Variants in RIC3 observed in about 807,000 individuals in gnomAD.
RIC3 encodes the protein protein RIC-3.
Under a neutral mutation model 27.3 loss-of-function variants are expected in RIC3, and 28 were observed. The ratio of observed to expected loss-of-function variants is 1.02; its 90% CI spans 0.76 to 1.41. RIC3 has a LOEUF of 1.41. Ranked by LOEUF, RIC3 falls within the 40% of genes most tolerant of loss-of-function variation. The probability of loss-of-function intolerance (pLI) is 0.00; values close to 1 mark genes in which losing one functional copy is unlikely to be tolerated. For synonymous variants in RIC3, 184 were observed against 160.4 expected, an observed-to-expected ratio of 1.15 and a Z score of -1.11; for missense variants, 501 against 444.7, an observed-to-expected ratio of 1.13 and a Z score of -1.14.
At position 8,106,168 on chromosome 11, in the gene RIC3, T is replaced by TTATG. The variant is rs765080408; in HGVS notation, c.*4526_*4529dup. 6.6e-6 allele frequency: 1 copy of TTATG among 152,226 alleles called. No homozygotes were observed. The highest frequency in any genetic ancestry group is 1.5e-5 in the Non-Finnish European group (1 of 68,048). The allele number at this position is 152,226 out of a possible 1,614,324, so 9.4% of individuals were successfully genotyped here. A position where few individuals can be genotyped will look rare whatever the true frequency, so the allele number is the denominator to read the frequency against. On this transcript the variant is annotated 3_prime_UTR_variant, in exon 6 of 6. Transcript: ENST00000309737. ...AACTTGGTATTTTCCCATGTTGACA[T>TTATG]TATGTATGTTGTAGAATTTAGTGTT...
intron 1 of RIC3, among the ~76,000 whole-genome samples, chr11:8,156,806 G>A (rs1345437165): frequency 6.6e-6 from 1 of 152,108 alleles, no homozygotes; most frequent in Non-Finnish European, 1.5e-5. Flanking sequence ...AAAACACACT[G>A]CTTGAGCCTC....
intron 4 of RIC3, among the ~76,000 whole-genome samples, chr11:8,133,199 C>A (rs1241852940): frequency 6.6e-6 from 1 of 152,140 alleles, no homozygotes; most frequent in East Asian, 1.9e-4. Context: ...GCCTTTCCAC[C>A]ATATGATGAT....
At chr11:8,105,822 G>A (rs772621454), downstream of RIC3, 2 of 152,144 alleles carry the variant, frequency 1.3e-5, no homozygotes, top group Non-Finnish European at 2.9e-5. Context: ...GCAAGGTCCA[G>A]GCAAAGCTGG....
intron 4 of RIC3, among the ~76,000 whole-genome samples, chr11:8,128,549 T>C (rs181828308): frequency 1.3e-5 from 2 of 152,284 alleles, no homozygotes; most frequent in Admixed American, 1.3e-4. Context: ...GGATTCCTTA[T>C]CATCTCAACT....
chr11:8,159,655 T>C (rs1438646110), intron 1 of RIC3, among the ~76,000 whole-genome samples: 1 of 152,144 alleles, frequency 6.6e-6, no homozygotes, highest in East Asian at 1.9e-4. Context: ...AAAGCAGTTT[T>C]AAATGACTAA....
chr11:8,114,213 GCA>G (rs1245214385), intron 5 of RIC3, among the ~76,000 whole-genome samples: 3 of 152,150 alleles, frequency 2.0e-5, no homozygotes, highest in African/African-American at 7.2e-5. Context: ...TTCTTCAAAT[GCA>G]CAGATACCAA....
intron 5 of RIC3, among the ~76,000 whole-genome samples, chr11:8,114,314 G>A (rs1195413896): frequency 6.6e-6 from 1 of 152,060 alleles, no homozygotes; most frequent in Admixed American, 6.5e-5. Flanking sequence ...CTAAAGAAAT[G>A]AAGATACGGC....
intron 4 of RIC3, among the ~76,000 whole-genome samples, chr11:8,133,395 T>C (rs113195566): frequency 8.5e-5 from 13 of 152,292 alleles, no homozygotes; most frequent in African/African-American, 2.9e-4. Context: ...ATAAGTCCCA[T>C]AGGGCCTACC....
chr11:8,147,596 G>A (rs891300172), intron 1 of RIC3, among the ~76,000 whole-genome samples: 7 of 152,134 alleles, frequency 4.6e-5, no homozygotes, highest in African/African-American at 1.2e-4. Context: ...TATTTGTTAT[G>A]TGAAGTTATG....
At chr11:8,122,985 G>A (rs1010490653) in intron 5 of RIC3, among the ~76,000 whole-genome samples, 1 of 150,884 alleles carries the variant, frequency 6.6e-6, no homozygotes, top group African/African-American at 2.4e-5. Flanking sequence ...AGTCAAGAAA[G>A]CTATTACAGA....
intron 1 of RIC3, among the ~76,000 whole-genome samples, chr11:8,158,621 A>C (rs78139941): frequency 7.2e-4 from 109 of 151,204 alleles, no homozygotes; most frequent in East Asian, 1.4e-3. Context: ...ATCAAAGAAG[A>C]AGCTCTGATG....
At chr11:8,100,305 A>G in the RIC3 span, among the ~76,000 whole-genome samples, 1 of 152,182 alleles carries the variant, frequency 6.6e-6, no homozygotes, top group African/African-American at 2.4e-5. Flanking sequence ...AGCAAGGATG[A>G]CGCATAAGAG....
At chr11:8,165,128 A>G (rs2134365577) in intron 1 of RIC3, among the ~76,000 whole-genome samples, 1 of 152,344 alleles carries the variant, frequency 6.6e-6, no homozygotes, top group South Asian at 2.1e-4. Context: ...TAATAACCAT[A>G]CAACCTAGAA....
At chr11:8,148,374 G>C (rs1009072082) in intron 1 of RIC3, among the ~76,000 whole-genome samples, 1 of 152,074 alleles carries the variant, frequency 6.6e-6, no homozygotes, top group Non-Finnish European at 1.5e-5. Context: ...TGGCTATTAT[G>C]CACCTTCAAA....
At position 8,124,491 on chromosome 11, in the gene RIC3, C is replaced by T. The variant is rs148381952; in HGVS notation, c.670+2168G>A. ...ATTGATCTAAAGATTCAAAGCAGTA[C>T]CAATCAAAATCCCATCAGGCTTTTT... On this transcript the variant is annotated intron_variant, in intron 5 of 5. Coordinates refer to ENST00000309737, the MANE Select transcript of RIC3 (RefSeq NM_001206671.4). 7.0e-3 allele frequency among the ~76,000 whole-genome samples: 1,066 copies of T among 152,220 alleles called. 10 individuals carry two copies. Among genetic ancestry groups the T allele is most frequent in the Non-Finnish European group, 9.1e-3 (616 of 68,010 alleles).
intron 1 of RIC3, among the ~76,000 whole-genome samples, chr11:8,165,769 T>TA (rs1951629099): frequency 8.7e-6 from 1 of 114,370 alleles, no homozygotes; most frequent in African/African-American, 4.0e-5. Context: ...TTTTGGGGTT[T>TA]TTTTTTTGTT....
chr11:8,144,416 A>G (rs1350103242), intron 1 of RIC3, among the ~76,000 whole-genome samples: 2 of 149,214 alleles, frequency 1.3e-5, no homozygotes, highest in Non-Finnish European at 3.0e-5. Context: ...GCAGCCAAAA[A>G]ACACATGAAA....
intron 1 of RIC3, among the ~76,000 whole-genome samples, chr11:8,161,201 G>GT (rs1353771008): frequency 6.6e-6 from 1 of 152,210 alleles, no homozygotes; most frequent in Non-Finnish European, 1.5e-5. Flanking sequence ...GTAGCTACCT[G>GT]TAGAGATATT....
Position 8,110,545 on chromosome 11 carries a change from C to T in RIC3, c.*153G>A, listed in dbSNP as rs1945120289. 2 of 746,124 alleles carry T rather than the reference C, an allele frequency of 2.7e-6. No individual in the cohort carries two copies. The highest frequency in any genetic ancestry group is 2.6e-5 in the East Asian group (1 of 38,530). 46.2% of individuals were successfully genotyped at this position (746,124 alleles called of 1,614,324 possible). On this transcript the variant is annotated 3_prime_UTR_variant, in exon 6 of 6. Coordinates refer to ENST00000309737, the MANE Select transcript of RIC3 (RefSeq NM_001206671.4). ...TTACAAGGTGACAGGTGTGTGAGCACCAGGAAGGATACATGATATCCATGA... is the reference window on the plus strand; with the variant it reads ...TTACAAGGTGACAGGTGTGTGAGCATCAGGAAGGATACATGATATCCATGA...
Sources: gnomAD v4.1 joint callset for allele counts (sites outside exome capture counted in the v4.1 genomes callset) on GRCh38, gnomAD v4.1.1 for gene constraint, MANE v1.5 for transcripts, NCBI Gene and HGNC (gene_info 2026-07-23, HGNC 2026-07-21) for gene names.